The following FSHR variants were observed in gnomAD, a reference collection of about 807,000 sequenced individuals.
FSHR encodes follicle-stimulating hormone receptor.
FSHR carries 46 observed loss-of-function variants against 52.1 expected under a neutral mutation model. The ratio of observed to expected loss-of-function variants is 0.88; its 90% CI spans 0.70 to 1.13. FSHR has a LOEUF of 1.13. FSHR is among the 50% of genes most tolerant of loss of function. The pLI is 0.00. For synonymous variants in FSHR, 399 were observed against 309.6 expected, an observed-to-expected ratio of 1.29 and a Z score of -3.03; for missense variants, 964 against 834.6, an observed-to-expected ratio of 1.16 and a Z score of -1.91.
At chr2:49,025,767 A>C (rs990332594) in intron 2 of FSHR, among the ~76,000 whole-genome samples, 1 of 152,192 alleles carries the variant, frequency 6.6e-6, no homozygotes, top group Non-Finnish European at 1.5e-5. Context: ...GAATCATTTA[A>C]ATACTTAAAC....
At chr2:49,085,034 C>T (rs1670322151) in intron 1 of FSHR, among the ~76,000 whole-genome samples, 1 of 151,930 alleles carries the variant, frequency 6.6e-6, no homozygotes, top group East Asian at 1.9e-4. Flanking sequence ...CTGGTAGAGA[C>T]ACAACAAAAA....
intron 1 of FSHR, among the ~76,000 whole-genome samples, chr2:49,130,375 C>T (rs1161226345): frequency 6.6e-6 from 1 of 152,112 alleles, no homozygotes; most frequent in East Asian, 1.9e-4. Flanking sequence ...TCCTCAATAG[C>T]CAGGAAGGCC....
At chr2:49,140,439 C>T (rs1234570693) in intron 1 of FSHR, among the ~76,000 whole-genome samples, 2 of 152,170 alleles carry the variant, frequency 1.3e-5, no homozygotes, top group Non-Finnish European at 2.9e-5. Flanking sequence ...CAGCTCTATG[C>T]TTTCTGCACA....
chr2:49,080,849 T>C (rs1186278155), intron 1 of FSHR, among the ~76,000 whole-genome samples: 1 of 152,144 alleles, frequency 6.6e-6, no homozygotes, highest in Non-Finnish European at 1.5e-5. Flanking sequence ...CCCAGCCATC[T>C]CCTTTACAGG....
intron 1 of FSHR, among the ~76,000 whole-genome samples, chr2:49,107,224 T>G (rs1671256037): frequency 6.6e-6 from 1 of 152,152 alleles, no homozygotes; most frequent in African/African-American, 2.4e-5. Flanking sequence ...TTCCACTTTT[T>G]TTTTACATGC....
At chr2:49,085,369 C>A (rs1027351562) in intron 1 of FSHR, among the ~76,000 whole-genome samples, 3 of 152,194 alleles carry the variant, frequency 2.0e-5, no homozygotes, top group Admixed American at 2.0e-4. Flanking sequence ...CTATCTATGA[C>A]AAACCCACAG....
At chr2:49,082,697 T>TGCAGAAGCC (rs1670221520) in intron 1 of FSHR, among the ~76,000 whole-genome samples, 1 of 152,034 alleles carries the variant, frequency 6.6e-6, no homozygotes, top group South Asian at 2.1e-4. Flanking sequence ...ACGTGAAGAA[T>TGCAGAAGCC]GCAGAAGCCT....
rs148068098 is a variant in FSHR, at chr2:49,030,142, C to G, written c.225-9982G>C. The stretch of plus-strand genomic sequence containing the variant: ...AGGACTTCTGGCCTGAGCCATTATT[C>G]TCTTAAAGACAGCATATGTTTTATT... On this transcript the variant is annotated intron_variant, in intron 2 of 9. Coordinates refer to ENST00000406846, the MANE Select transcript of FSHR (RefSeq NM_000145.4). Among the ~76,000 whole-genome samples the G allele has an allele frequency of 7.3e-3, 1,118 of 152,306 alleles. 19 individuals are homozygous for G. The highest frequency in any genetic ancestry group is 0.025 in the African/African-American group (1,059 of 41,564).
At chr2:49,110,357 A>G (rs1671379798) in intron 1 of FSHR, among the ~76,000 whole-genome samples, 1 of 151,978 alleles carries the variant, frequency 6.6e-6, no homozygotes, top group Non-Finnish European at 1.5e-5. Context: ...CCTAATGCTG[A>G]CTCTTTTAAC....
intron 1 of FSHR, among the ~76,000 whole-genome samples, chr2:49,085,306 A>G (rs1431972343): frequency 6.6e-6 from 1 of 152,268 alleles, no homozygotes; most frequent in Non-Finnish European, 1.5e-5. Context: ...CCTTCATGCT[A>G]AAAACTCTCA....
At chr2:48,981,539 C>T (rs543780761) in intron 8 of FSHR, among the ~76,000 whole-genome samples, 11 of 152,282 alleles carry the variant, frequency 7.2e-5, no homozygotes, top group South Asian at 4.1e-4. Flanking sequence ...TTTAATCACA[C>T]GGATACTCCA....
chr2:49,007,529 T>A (rs1431968202), intron 4 of FSHR, among the ~76,000 whole-genome samples: 1 of 152,138 alleles, frequency 6.6e-6, no homozygotes, highest in East Asian at 1.9e-4. Flanking sequence ...TTGAGAACTT[T>A]TAGAATTGTG....
intron 9 of FSHR, among the ~76,000 whole-genome samples, chr2:48,967,626 T>A (rs1439196220): frequency 6.6e-6 from 1 of 152,214 alleles, no homozygotes; most frequent in African/African-American, 2.4e-5. Flanking sequence ...CAATGATGCA[T>A]GCAGATTCTG....
At chr2:49,094,075 T>G (rs1670726138) in intron 1 of FSHR, among the ~76,000 whole-genome samples, 2 of 152,186 alleles carry the variant, frequency 1.3e-5, no homozygotes, top group East Asian at 3.8e-4. Flanking sequence ...ATTAGTTTCC[T>G]CCTTTCTTCC....
Position 49,041,007 on chromosome 2 carries a change from T to TGA in FSHR, c.225-20848_225-20847insTC, listed in dbSNP as rs201522365. Among the ~76,000 whole-genome samples, 934 of 152,310 alleles carry TGA rather than the reference T, an allele frequency of 6.1e-3. 4 individuals are homozygous for TGA. Among genetic ancestry groups the TGA allele is most frequent in the Non-Finnish European group, 8.8e-3 (602 of 68,034 alleles). On this transcript the variant is annotated intron_variant, in intron 2 of 9. Coordinates refer to ENST00000406846, the MANE Select transcript of FSHR (RefSeq NM_000145.4). ...CTTTCATTGTCGGTCTATGATACTA[T>TGA]TACCTGAGCTAAACATTCAGAGTTT...
chr2:49,053,292 AAGATATTTTGTT>A (rs1470289627), intron 2 of FSHR, among the ~76,000 whole-genome samples: 3 of 152,088 alleles, frequency 2.0e-5, no homozygotes, highest in Non-Finnish European at 2.9e-5. Flanking sequence ...CCTATTTCCA[AAGATATTTTGTT>A]ATAAACTAGC....
intron 1 of FSHR, among the ~76,000 whole-genome samples, chr2:49,135,925 G>A (rs1469272275): frequency 6.6e-6 from 1 of 152,022 alleles, no homozygotes; most frequent in African/African-American, 2.4e-5. Flanking sequence ...GTAGGCTGAG[G>A]GGAGGAGGAA....
At chr2:48,974,636 C>T (rs965997051) in intron 8 of FSHR, among the ~76,000 whole-genome samples, 3 of 152,160 alleles carry the variant, frequency 2.0e-5, no homozygotes, top group African/African-American at 7.2e-5. Context: ...TTACTTAAAG[C>T]TTACTGTCTG....
intron 2 of FSHR, among the ~76,000 whole-genome samples, chr2:49,021,863 C>CTATATATA (rs1224896244): frequency 1.8e-4 from 9 of 49,858 alleles, no homozygotes; most frequent in Admixed American, 4.6e-4. Flanking sequence ...CTCTCTCTCT[C>CTATATATA]TATATATATA....
Sources: allele counts gnomAD v4.1 joint callset (sites outside exome capture counted in the v4.1 genomes callset), GRCh38; gene constraint gnomAD v4.1.1; transcripts MANE v1.5; gene names NCBI Gene and HGNC (gene_info 2026-07-23, HGNC 2026-07-21).